Variants in PSEN1 observed in about 807,000 individuals in gnomAD.
PSEN1 encodes presenilin-1.
In PSEN1, 15 loss-of-function variants were observed where a neutral mutation model predicts 53.5. The observed-to-expected ratio is 0.28, with a 90% CI of 0.19 to 0.43. The LOEUF (loss-of-function observed/expected upper bound fraction) is 0.43, where lower values mean the gene tolerates loss of function less well. Ranked by LOEUF, PSEN1 falls within the 20% of genes least tolerant of loss-of-function variation. PSEN1 has a pLI of 1.00. For missense variants in PSEN1, 387 were observed against 571.2 expected (o/e 0.68, Z 3.29); for synonymous variants, 208 against 209.8 (o/e 0.99, Z 0.08).
intron 3 of PSEN1, among the ~76,000 whole-genome samples, chr14:73,149,127 C>T (rs1033502552): frequency 6.6e-6 from 1 of 151,966 alleles, no homozygotes; most frequent in Admixed American, 6.6e-5. Context: ...CTGTTAGGAC[C>T]AGAGAGCAGA....
chr14:73,164,694 T>C (rs1197628726), intron 3 of PSEN1, among the ~76,000 whole-genome samples: 3 of 152,212 alleles, frequency 2.0e-5, no homozygotes, highest in Non-Finnish European at 2.9e-5. Context: ...CACTATATAA[T>C]ACAGTGTCAC....
intron 9 of PSEN1, among the ~76,000 whole-genome samples, chr14:73,210,208 T>C (rs1899622767): frequency 6.6e-6 from 1 of 152,162 alleles, no homozygotes; most frequent in Non-Finnish European, 1.5e-5. Context: ...TAGTCATAGA[T>C]AATAATATAA....
intron 1 of PSEN1, among the ~76,000 whole-genome samples, chr14:73,145,196 T>G (rs1236250726): frequency 6.6e-6 from 1 of 152,010 alleles, no homozygotes; most frequent in African/African-American, 2.4e-5. Context: ...TCCGGCCTAC[T>G]TACCTTTTAT....
chr14:73,200,843 G>A (rs1474956756), intron 8 of PSEN1, among the ~76,000 whole-genome samples: 1 of 152,006 alleles, frequency 6.6e-6, no homozygotes, highest in Non-Finnish European at 1.5e-5. Context: ...TTGAGGTCAG[G>A]AGTTTGAAAC....
At chr14:73,153,914 A>G (rs1276864234) in intron 3 of PSEN1, among the ~76,000 whole-genome samples, 2 of 151,956 alleles carry the variant, frequency 1.3e-5, no homozygotes. Flanking sequence ...GGGTTTCACC[A>G]TGTTGGTCAG....
At chr14:73,141,918 T>A (rs1298394317) in intron 1 of PSEN1, among the ~76,000 whole-genome samples, 3 of 151,740 alleles carry the variant, frequency 2.0e-5, no homozygotes, top group Admixed American at 6.6e-5. Flanking sequence ...ATACAAAAAA[T>A]TAGCCAGGCG....
intron 9 of PSEN1, among the ~76,000 whole-genome samples, chr14:73,207,769 G>C (rs1310305169): frequency 6.6e-6 from 1 of 152,212 alleles, no homozygotes; most frequent in Non-Finnish European, 1.5e-5. Flanking sequence ...TTCTCTACCA[G>C]CTGGACCCCA....
intron 8 of PSEN1, among the ~76,000 whole-genome samples, chr14:73,199,999 G>C (rs1899112509): frequency 6.6e-6 from 1 of 152,096 alleles, no homozygotes; most frequent in South Asian, 2.1e-4. Context: ...CGCCTGCCTA[G>C]GCCTCCCAAA....
chr14:73,170,943 C>A lies in PSEN1; in HGVS notation c.234C>A (p.Gly78=). ...ATGAGGAGCTGACATTGAAATATGG[C>A]GCCAAGCATGTGATCATGCTCTTTG... is the stretch of plus-strand genomic sequence containing the variant. The part of the protein sequence containing the change: ...EEDEELTLKY[G]AKHVIMLFVP... Residue 78 remains glycine, a synonymous_variant, in exon 4 of 12, where the codon GGC becomes GGA. Coordinates refer to ENST00000324501, the MANE Select transcript of PSEN1 (RefSeq NM_000021.4). 1 of 1,614,168 alleles carries A rather than the reference C, an allele frequency of 6.2e-7. No individual in the cohort carries two copies. The highest frequency in any genetic ancestry group is 8.5e-7 in the Non-Finnish European group (1 of 1,180,036).
intron 5 of PSEN1, among the ~76,000 whole-genome samples, chr14:73,179,249 A>G (rs911517075): frequency 3.3e-5 from 5 of 152,142 alleles, no homozygotes; most frequent in African/African-American, 1.2e-4. Flanking sequence ...CTCCCTCTGA[A>G]TTTTAGGCTT....
intron 3 of PSEN1, among the ~76,000 whole-genome samples, chr14:73,162,016 A>G (rs542469850): frequency 1.6e-3 from 235 of 145,420 alleles, no homozygotes; most frequent in Middle Eastern, 3.5e-3. Flanking sequence ...AAAAAAAAAA[A>G]TAGAAAAAGA....
chr14:73,167,616 C>G (rs1293765648), intron 3 of PSEN1, among the ~76,000 whole-genome samples: 1 of 152,122 alleles, frequency 6.6e-6, no homozygotes, highest in East Asian at 1.9e-4. Flanking sequence ...CTATAGCACC[C>G]TCCTTTATCC....
rs778244504 is a variant in PSEN1 at position 73,206,412 on chromosome 14, G to T, written c.895G>T (p.Ala299Ser). ...SSTMVWLVNM[A>S]EGDPEAQRRV... Reference sequence around the variant, plus strand: ...AACAATGGTGTGGTTGGTGAATATGGCAGAAGGAGACCCGGAAGCTCAAAG... The same window carrying T: ...AACAATGGTGTGGTTGGTGAATATGTCAGAAGGAGACCCGGAAGCTCAAAG... The change falls in exon 9 of 12, where the codon GCA becomes TCA. Residue 299 changes from alanine to serine, a missense_variant. By Grantham distance (99) the Ala-to-Ser change is moderately conservative. Around this residue, in one of 4 missense-constraint regions of PSEN1, gnomAD observed 169 missense variants for 299.7 expected, o/e 0.56. Coordinates refer to ENST00000324501, the MANE Select transcript of PSEN1 (RefSeq NM_000021.4). The T allele has an allele frequency of 6.2e-7, 1 of 1,614,074 alleles. No individual in the cohort carries two copies.
chr14:73,205,847 G>GT (rs1899433703), intron 8 of PSEN1, among the ~76,000 whole-genome samples: 1 of 152,206 alleles, frequency 6.6e-6, no homozygotes, highest in Non-Finnish European at 1.5e-5. Flanking sequence ...ATGTATTTTT[G>GT]TAGAAGGGGC....
intron 5 of PSEN1, among the ~76,000 whole-genome samples, chr14:73,185,277 C>T (rs79329049): frequency 6.6e-6 from 1 of 152,058 alleles, no homozygotes; most frequent in South Asian, 2.1e-4. Context: ...GAGGTTGTAG[C>T]GAGCCGAGAT....
At chr14:73,162,739 T>A (rs901775191) in intron 3 of PSEN1, among the ~76,000 whole-genome samples, 1 of 152,098 alleles carries the variant, frequency 6.6e-6, no homozygotes, top group East Asian at 1.9e-4. Context: ...GAAAACAAAA[T>A]GCTGCATGGT....
chr14:73,175,189 C>T lies in PSEN1; in HGVS notation c.480+1482C>T, dbSNP rs958524369. ...TCCCGCAGGCTGGAGTGTGACAGCGCGATCTTGGCTCACTGCAAGCTGTGC... is the reference window on the plus strand; with the variant it reads ...TCCCGCAGGCTGGAGTGTGACAGCGTGATCTTGGCTCACTGCAAGCTGTGC... On this transcript the variant is annotated intron_variant, in intron 5 of 11. Transcript: ENST00000324501. Among the ~76,000 whole-genome samples, 5 of 152,184 alleles carry T rather than the reference C, an allele frequency of 3.3e-5. No homozygotes were observed. The East Asian group carries it at 9.7e-4, about 29-fold the overall frequency.
In PSEN1 at chr14:73,221,105, G is replaced by A. The variant is rs1336029116; in HGVS notation, c.*1816G>A. ...ATAAGAACCTAACTTCAAGAGTAGTGTGCGAGTACTGATCTGAATTTAAAT... is the reference window on the plus strand; with the variant it reads ...ATAAGAACCTAACTTCAAGAGTAGTATGCGAGTACTGATCTGAATTTAAAT... On this transcript the variant is annotated 3_prime_UTR_variant, in exon 12 of 12. Coordinates refer to ENST00000324501, the MANE Select transcript of PSEN1 (RefSeq NM_000021.4). The A allele has an allele frequency of 6.6e-6, 1 of 152,204 alleles. No individual in the cohort carries two copies. Among genetic ancestry groups the A allele is most frequent in the Non-Finnish European group, 1.5e-5 (1 of 68,042 alleles). 9.4% of individuals were successfully genotyped at this position (152,204 alleles called of 1,614,324 possible). A position where few individuals can be genotyped will look rare whatever the true frequency, so the allele number is the denominator to read the frequency against.
intron 7 of PSEN1, 70 bp downstream of exon 7, chr14:73,192,934 T>C: frequency 8.6e-7 from 1 of 1,166,536 alleles, no homozygotes; most frequent in Non-Finnish European, 1.3e-6. Context: ...TCCTCATCTC[T>C]TTATCTTGAT....
Sources: gnomAD v4.1 joint callset for allele counts (sites outside exome capture counted in the v4.1 genomes callset) on GRCh38, gnomAD v4.1.1 for gene constraint, gnomAD v4.1.1 regional missense constraint, MANE v1.5 for transcripts, NCBI Gene and HGNC (gene_info 2026-07-23, HGNC 2026-07-21) for gene names.